The following ZPBP variants were observed in gnomAD, a reference collection of about 807,000 sequenced individuals.
The protein encoded by ZPBP is zona pellucida binding protein.
ZPBP carries 26 observed loss-of-function variants against 44.8 expected under a neutral mutation model. The observed-to-expected ratio is 0.58, with a 90% CI of 0.43 to 0.81. The LOEUF (loss-of-function observed/expected upper bound fraction) is 0.81. Ranked by LOEUF, ZPBP falls within the 30% of genes least tolerant of loss-of-function variation. The pLI, the probability that ZPBP is intolerant of heterozygous loss-of-function variation, is 0.00. For synonymous variants in ZPBP, 174 were observed against 153.2 expected (o/e 1.14, Z -1.00); for missense variants, 409 against 434.0 (o/e 0.94, Z 0.51).
intron 2 of ZPBP, among the ~76,000 whole-genome samples, chr7:49,852,034 A>G (rs1790201845): frequency 1.3e-5 from 2 of 152,154 alleles, no homozygotes; most frequent in African/African-American, 4.8e-5. Context: ...TCCGGATTTA[A>G]TCCGGATTAA....
chr7:49,867,445 G>A (rs1456056199), intron 2 of ZPBP, among the ~76,000 whole-genome samples: 2 of 152,170 alleles, frequency 1.3e-5, no homozygotes, highest in East Asian at 3.8e-4. Flanking sequence ...GAGAGGCGGA[G>A]GTGGGCCTCC....
At chr7:49,893,945 A>G (rs1012373741) in intron 2 of ZPBP, among the ~76,000 whole-genome samples, 7 of 152,228 alleles carry the variant, frequency 4.6e-5, no homozygotes, top group East Asian at 1.9e-4. Context: ...CGTTGCCACA[A>G]GCAGATGCTG....
intron 6 of ZPBP, among the ~76,000 whole-genome samples, chr7:49,989,801 T>C (rs1797478810): frequency 1.3e-5 from 2 of 152,126 alleles, no homozygotes; most frequent in African/African-American, 2.4e-5. Flanking sequence ...ATCCTGAAAA[T>C]TCTGCCAGGT....
At chr7:49,935,414 T>G (rs1794586641), downstream of ZPBP, among the ~76,000 whole-genome samples, 1 of 152,126 alleles carries the variant, frequency 6.6e-6, no homozygotes, top group Non-Finnish European at 1.5e-5. Flanking sequence ...ATTATTATTT[T>G]TTGAGACGGA....
intron 6 of ZPBP, among the ~76,000 whole-genome samples, chr7:50,005,868 T>TGTGTGTGTGTGTG: frequency 2.1e-5 from 3 of 145,604 alleles, no homozygotes; most frequent in African/African-American, 7.5e-5. Context: ...TGTGTGTGTG[T>TGTGTGTGTGTGTG]TTTGCCTACA....
intron 2 of ZPBP, among the ~76,000 whole-genome samples, chr7:49,860,609 C>T (rs887422578): frequency 9.2e-5 from 14 of 152,200 alleles, no homozygotes; most frequent in Admixed American, 7.2e-4. Context: ...ATTCCTTTGG[C>T]TATTGTAATA....
intron 7 of ZPBP, among the ~76,000 whole-genome samples, chr7:49,980,689 G>A (rs758166111): frequency 5.3e-5 from 8 of 151,794 alleles, no homozygotes; most frequent in African/African-American, 1.2e-4. Flanking sequence ...ATTAGAACTC[G>A]GTCACCCCGA....
At chr7:50,021,782 G>A (rs1000267135) in intron 5 of ZPBP, among the ~76,000 whole-genome samples, 3 of 152,124 alleles carry the variant, frequency 2.0e-5, no homozygotes, top group African/African-American at 7.2e-5. Flanking sequence ...GGGTGGTGGT[G>A]TGCCCAAAGT....
chr7:49,869,511 A>G (rs940606607), intron 2 of ZPBP, among the ~76,000 whole-genome samples: 6 of 152,352 alleles, frequency 3.9e-5, no homozygotes, highest in Middle Eastern at 3.4e-3. Context: ...TGGTTGCTGT[A>G]TCATGATATT....
intron 6 of ZPBP, among the ~76,000 whole-genome samples, chr7:50,005,690 A>C (rs1798274741): frequency 6.6e-6 from 1 of 151,942 alleles, no homozygotes; most frequent in Non-Finnish European, 1.5e-5. Flanking sequence ...ACTACACAAA[A>C]AGGAAGAGAG....
At chr7:49,912,265 C>G (rs893172785) in intron 1 of ZPBP, 1 of 1,439,338 alleles carries the variant, frequency 6.9e-7, no homozygotes, top group Non-Finnish European at 9.3e-7. Context: ...TGGGAACTAT[C>G]AGTCAAAGAA....
intron 5 of ZPBP, among the ~76,000 whole-genome samples, chr7:50,027,928 G>T (rs1041534835): frequency 4.0e-5 from 6 of 151,830 alleles, no homozygotes; most frequent in Non-Finnish European, 8.8e-5. Context: ...TCAAAAACCT[G>T]CCAACAAAGA....
intron 6 of ZPBP, among the ~76,000 whole-genome samples, chr7:50,003,116 C>T (rs1032650427): frequency 2.0e-5 from 3 of 152,142 alleles, no homozygotes; most frequent in African/African-American, 7.2e-5. Flanking sequence ...GGGAAATACA[C>T]AAATATACTG....
intron 7 of ZPBP, among the ~76,000 whole-genome samples, chr7:49,970,695 T>A (rs1303662377): frequency 6.6e-6 from 1 of 151,204 alleles, no homozygotes; most frequent in East Asian, 1.9e-4. Context: ...AACAATACAA[T>A]CAAACATTCA....
chr7:49,893,951 T>C (rs1264794174), intron 2 of ZPBP, among the ~76,000 whole-genome samples: 1 of 152,210 alleles, frequency 6.6e-6, no homozygotes, highest in African/African-American at 2.4e-5. Context: ...CACAAGCAGA[T>C]GCTGGACCCT....
chr7:49,947,218 T>A (rs1402527172), intron 7 of ZPBP, among the ~76,000 whole-genome samples: 1 of 152,194 alleles, frequency 6.6e-6, no homozygotes, highest in Admixed American at 6.5e-5. Context: ...GTTCATTTGA[T>A]GAGGTCATGT....
At chr7:50,003,337 A>T (rs1056107974) in intron 6 of ZPBP, among the ~76,000 whole-genome samples, 1 of 152,174 alleles carries the variant, frequency 6.6e-6, no homozygotes, top group Non-Finnish European at 1.5e-5. Flanking sequence ...TGCAGAACCT[A>T]ACTTTAATGC....
At chr7:50,078,458 A>C (rs1330381028) in intron 3 of ZPBP, among the ~76,000 whole-genome samples, 3 of 151,614 alleles carry the variant, frequency 2.0e-5, no homozygotes, top group Non-Finnish European at 4.4e-5. Context: ...ATTCTCCATG[A>C]TGTGCTTATT....
chr7:49,901,028 C>T (rs1029447406), intron 2 of ZPBP: 1 of 151,718 alleles, frequency 6.6e-6, no homozygotes, highest in Non-Finnish European at 1.5e-5. Context: ...AAATCTAACA[C>T]CCTTTTATGA....
Sources: allele counts gnomAD v4.1 joint callset (sites outside exome capture counted in the v4.1 genomes callset), GRCh38; gene constraint gnomAD v4.1.1; transcripts MANE v1.5; gene names NCBI Gene and HGNC (gene_info 2026-07-23, HGNC 2026-07-21).